The following UBXN8 variants were observed in gnomAD, a reference collection of about 807,000 sequenced individuals.
UBXN8 encodes the protein UBX domain protein 8.
UBXN8 carries 27 observed loss-of-function variants against 32.1 expected under a neutral mutation model. That is an observed-to-expected ratio of 0.84 (90% CI 0.62 to 1.16). The LOEUF (loss-of-function observed/expected upper bound fraction) is 1.16, where lower values mean the gene tolerates loss of function less well. Ranked by LOEUF, UBXN8 falls within the 50% of genes most tolerant of loss-of-function variation. UBXN8 has a pLI of 0.00. For missense variants in UBXN8, 306 were observed against 311.4 expected, an observed-to-expected ratio of 0.98 and a Z score of 0.13; for synonymous variants, 109 against 111.8, an observed-to-expected ratio of 0.98 and a Z score of 0.16.
intron 6 of UBXN8, among the ~76,000 whole-genome samples, chr8:30,761,549 C>T (rs974029781): frequency 2.0e-5 from 3 of 152,096 alleles, no homozygotes; most frequent in African/African-American, 7.2e-5. Context: ...GCATAGGACA[C>T]GTGGGCTTTT....
At chr8:30,730,843 C>T (rs560843667), upstream of UBXN8, among the ~76,000 whole-genome samples, 4 of 152,304 alleles carry the variant, frequency 2.6e-5, no homozygotes, top group East Asian at 7.7e-4. Context: ...ACTGCAGAAA[C>T]AGGCTGGGTT....
At chr8:30,744,140 C>T (rs758403862), upstream of UBXN8, 13 of 1,573,810 alleles carry the variant, frequency 8.3e-6, no homozygotes, top group Admixed American at 1.1e-4. Context: ...TCCCGGAAAA[C>T]GCGGCCGGAA....
chr8:30,736,181 C>T (rs1305190995), intron 1 of UBXN8, among the ~76,000 whole-genome samples: 2 of 152,112 alleles, frequency 1.3e-5, no homozygotes, highest in African/African-American at 4.8e-5. Context: ...AGAACAATAA[C>T]TATAACTAAA....
intron 6 of UBXN8, 167 bp from the exon 7 acceptor site, chr8:30,763,106 A>G: frequency 1.6e-6 from 1 of 630,916 alleles, no homozygotes; most frequent in South Asian, 2.1e-5. Context: ...TCAGCCTCCC[A>G]AAGTCCTGGG....
At chr8:30,744,317 A>G in intron 1 of UBXN8, 40 bp downstream of exon 1, 1 of 1,585,998 alleles carries the variant, frequency 6.3e-7, no homozygotes, top group Non-Finnish European at 8.6e-7. Flanking sequence ...ACAGCTGGGT[A>G]ATTTTCACAG....
At chr8:30,758,900 T>TATTTTTTTTTTTTTTG (rs745561771) in intron 5 of UBXN8, among the ~76,000 whole-genome samples, 1 of 121,998 alleles carries the variant, frequency 8.2e-6, no homozygotes, top group Non-Finnish European at 1.6e-5. Flanking sequence ...TTTTGTTTTT[T>TATTTTTTTTTTTTTTG]TTTTTTTTTT....
In UBXN8 at chr8:30,757,944, T is replaced by C. The variant is rs551831291; in HGVS notation, c.528+1057T>C. 7.9e-5 allele frequency among the ~76,000 whole-genome samples: 12 copies of C among 151,146 alleles called. No homozygotes were observed. The East Asian group carries it at 2.4e-3, about 30-fold the overall frequency. On this transcript the variant is annotated intron_variant, in intron 5 of 7. Transcript: ENST00000265616. ...CTCTGTCGCCCAGACTGGAATACAG[T>C]GGTGAAATCTCAGCTCACTGCAGGC...
upstream of UBXN8, among the ~76,000 whole-genome samples, chr8:30,742,918 C>G (rs2978306): frequency 0.63 from 95,255 of 151,512 alleles, 35,194 homozygotes; most frequent in Non-Finnish European, 0.81. Context: ...CATAGAACCA[C>G]AAAGTCGGAT....
intron 6 of UBXN8, among the ~76,000 whole-genome samples, chr8:30,762,249 A>AT (rs1261671350): frequency 2.6e-5 from 4 of 151,676 alleles, no homozygotes; most frequent in African/African-American, 4.8e-5. Context: ...TTAAAAAAAA[A>AT]TTTTTTTTGG....
intron 1 of UBXN8, among the ~76,000 whole-genome samples, chr8:30,745,824 C>T (rs1439529723): frequency 1.3e-5 from 2 of 152,250 alleles, no homozygotes; most frequent in Non-Finnish European, 2.9e-5. Context: ...TCATGGCTTA[C>T]TGTAGCCTGG....
At chr8:30,751,141 A>G (rs550724593) in intron 1 of UBXN8, among the ~76,000 whole-genome samples, 4 of 152,342 alleles carry the variant, frequency 2.6e-5, no homozygotes, top group Admixed American at 2.6e-4. Context: ...CAAAATCATA[A>G]GACAGTTGTA....
At chr8:30,746,758 T>C (rs1805372229) in intron 1 of UBXN8, among the ~76,000 whole-genome samples, 1 of 138,824 alleles carries the variant, frequency 7.2e-6, no homozygotes, top group South Asian at 2.5e-4. Flanking sequence ...ACTCCTGACC[T>C]TGTGATCCAC....
At chr8:30,731,620 T>C (rs1804960243), upstream of UBXN8, among the ~76,000 whole-genome samples, 1 of 151,762 alleles carries the variant, frequency 6.6e-6, no homozygotes, top group South Asian at 2.1e-4. Context: ...TTTTGTTAAC[T>C]GAGCCGGGCC....
In UBXN8 at chr8:30,763,446, C is replaced by T. The variant is rs959146238; in HGVS notation, c.645+99C>T. 30 of 1,211,362 alleles carry T rather than the reference C, an allele frequency of 2.5e-5. No individual in the cohort carries two copies. The Admixed American group carries it at 4.4e-4, about 18-fold the overall frequency. The allele number at this position is 1,211,362 out of a possible 1,614,324, so 75.0% of individuals were successfully genotyped here. A position where few individuals can be genotyped will look rare whatever the true frequency, so the allele number is the denominator to read the frequency against. ...GAAGGTGTGATCACACTGTCATCTG[C>T]ATCTCCCATCAGGTATGGATAAAGG... On this transcript the variant is annotated intron_variant, in intron 7 of 7. Transcript: ENST00000265616.
intron 1 of UBXN8, among the ~76,000 whole-genome samples, chr8:30,744,735 C>G (rs1805319405): frequency 6.6e-6 from 1 of 152,164 alleles, no homozygotes; most frequent in Non-Finnish European, 1.5e-5. Flanking sequence ...CTGCGCCCGG[C>G]CCTAGGTTTA....
chr8:30,741,587 T>TA (rs1323000624), upstream of UBXN8, among the ~76,000 whole-genome samples: 1 of 150,662 alleles, frequency 6.6e-6, no homozygotes, highest in East Asian at 2.0e-4. Context: ...GAGGAGCTGT[T>TA]ACTACAGGTG....
upstream of UBXN8, among the ~76,000 whole-genome samples, chr8:30,731,323 C>T (rs986797082): frequency 2.6e-5 from 4 of 152,138 alleles, no homozygotes; most frequent in African/African-American, 7.2e-5. Flanking sequence ...CGGTAGTAAC[C>T]GGCCCAGTCG....
At chr8:30,748,912 G>C (rs1445526579) in intron 1 of UBXN8, among the ~76,000 whole-genome samples, 1 of 152,126 alleles carries the variant, frequency 6.6e-6, no homozygotes, top group Non-Finnish European at 1.5e-5. Context: ...GATCACGTTG[G>C]ATTCCTCTGT....
upstream of UBXN8, among the ~76,000 whole-genome samples, chr8:30,729,951 C>G (rs564809384): frequency 6.6e-6 from 1 of 152,032 alleles, no homozygotes; most frequent in Non-Finnish European, 1.5e-5. Context: ...GGAAGGATCC[C>G]GCTCCACCCA....
Sources: allele counts gnomAD v4.1 joint callset (sites outside exome capture counted in the v4.1 genomes callset), GRCh38; gene constraint gnomAD v4.1.1; transcripts MANE v1.5; gene names NCBI Gene and HGNC (gene_info 2026-07-23, HGNC 2026-07-21).